SFI1: variants seen among roughly 807,000 people sequenced by gnomAD.
SFI1 encodes the protein protein SFI1 homolog.
Under a neutral mutation model 207.5 loss-of-function variants are expected in SFI1, and 195 were observed. The ratio of observed to expected loss-of-function variants is 0.94; its 90% CI spans 0.84 to 1.06. The LOEUF (loss-of-function observed/expected upper bound fraction) is 1.06. SFI1 is among the 50% of genes least tolerant of loss of function. The pLI, the probability that SFI1 is intolerant of heterozygous loss-of-function variation, is 0.00. For synonymous variants in SFI1, 630 were observed against 598.9 expected (o/e 1.05, Z -0.76); for missense variants, 1,634 against 1,588.0 (o/e 1.03, Z -0.49).
chr22:31,528,716 A>C lies in SFI1; in HGVS notation c.119A>C (p.Lys40Thr). 1 of 1,614,116 alleles carries C rather than the reference A, an allele frequency of 6.2e-7. No homozygotes were observed. The highest frequency in any genetic ancestry group is 8.5e-7 in the Non-Finnish European group (1 of 1,180,014). The part of the protein sequence containing the change: ...SRYFKDGAVK[K>T]PYSAKTLSNK... ...TATTTTAAGGATGGTGCAGTTAAGA[A>C]ACCTTATTCTGCAAAGACACTGTCC... Residue 40 changes from lysine to threonine, a missense_variant, in exon 3 of 33, where the codon AAA becomes ACA. Transcript: ENST00000400288.
intron 2 of SFI1, among the ~76,000 whole-genome samples, chr22:31,528,414 A>T (rs1737870445): frequency 6.6e-6 from 1 of 152,152 alleles, no homozygotes; most frequent in Non-Finnish European, 1.5e-5. Context: ...ACGGAGTAAG[A>T]ACCTGTCTCA....
chr22:31,544,210 A>G (rs1271710963), intron 4 of SFI1, among the ~76,000 whole-genome samples: 1 of 151,982 alleles, frequency 6.6e-6, no homozygotes, highest in Non-Finnish European at 1.5e-5. Context: ...AAAAATCAGC[A>G]CCATCTGTCA....
At chr22:31,549,508 G>A (rs936284301) in intron 5 of SFI1, among the ~76,000 whole-genome samples, 2 of 151,658 alleles carry the variant, frequency 1.3e-5, no homozygotes, top group Non-Finnish European at 2.9e-5. Context: ...GAGACTACAG[G>A]CACATGCTAC....
chr22:31,565,800 C>A (rs965799535), intron 8 of SFI1, among the ~76,000 whole-genome samples: 1 of 151,958 alleles, frequency 6.6e-6, no homozygotes, highest in Non-Finnish European at 1.5e-5. Flanking sequence ...TTTAGTGCAA[C>A]GGTATATTTT....
intron 20 of SFI1, chr22:31,605,927 G>A (rs1415457585): frequency 4.9e-6 from 1 of 205,298 alleles, no homozygotes; most frequent in Non-Finnish European, 9.9e-6. Context: ...CTTCAGACAG[G>A]GTGGAATAAG....
intron 4 of SFI1, among the ~76,000 whole-genome samples, chr22:31,538,182 C>T (rs1377230378): frequency 2.0e-5 from 3 of 151,236 alleles, no homozygotes; most frequent in Admixed American, 1.3e-4. Context: ...ATGTTGGTCT[C>T]GAACTCCTAA....
chr22:31,575,256 C>A lies in SFI1; in HGVS notation c.948C>A (p.Val316=). 1 of 1,611,406 alleles carries A rather than the reference C, an allele frequency of 6.2e-7. No homozygotes were observed. The highest frequency in any genetic ancestry group is 8.5e-7 in the Non-Finnish European group (1 of 1,178,846). ...QNEMAERFHH[V]TVLQIYFCDW... is the part of the protein sequence containing the mutation. ...AGATGGCTGAGCGATTCCATCATGT[C>A]ACTGTGCTCCAGATATACTTCTGTG... The change falls in exon 10 of 33, where the codon GTC becomes GTA. Residue 316 remains valine, a synonymous_variant. Coordinates refer to ENST00000400288, the MANE Select transcript of SFI1 (RefSeq NM_001007467.3).
At chr22:31,567,374 G>A (rs779017737) in intron 8 of SFI1, among the ~76,000 whole-genome samples, 3 of 152,186 alleles carry the variant, frequency 2.0e-5, no homozygotes, top group Non-Finnish European at 4.4e-5. Context: ...GAGCCAGAAC[G>A]CAGGGCCTGG....
Position 31,528,776 on chromosome 22 carries a change from G to T in SFI1, c.179G>T (p.Arg60Met), listed in dbSNP as rs1367194179. ...TCTTCTGCATCCTTTGGGATCCGGA[G>T]GGAGTTACCTAGTACCAGTCATCTA... The part of the protein sequence containing the change: ...KKSSASFGIR[R>M]ELPSTSHLVQ... The change falls in exon 3 of 33, where the codon AGG becomes ATG. Residue 60 changes from arginine to methionine, a missense_variant. By Grantham distance (91) the Arg-to-Met change is moderately conservative. Coordinates refer to ENST00000400288, the MANE Select transcript of SFI1 (RefSeq NM_001007467.3). 6.2e-7 allele frequency: 1 copy of T among 1,614,144 alleles called. No individual in the cohort carries two copies. The highest frequency in any genetic ancestry group is 8.5e-7 in the Non-Finnish European group (1 of 1,180,012).
At chr22:31,500,806 G>GTT (rs1035587309) in intron 1 of SFI1, among the ~76,000 whole-genome samples, 4 of 102,830 alleles carry the variant, frequency 3.9e-5, no homozygotes, top group African/African-American at 1.5e-4. Context: ...TTTGTTTTTT[G>GTT]TTTTTTTTTT....
chr22:31,561,140 G>GT, intron 7 of SFI1, 150 bp from the exon 8 acceptor site: 4 of 640,368 alleles, frequency 6.2e-6, no homozygotes, highest in Non-Finnish European at 1.1e-5. Flanking sequence ...CAATTGTTTT[G>GT]TTTTATTTTT....
At chr22:31,496,837 C>T (rs1187648567) in intron 1 of SFI1, among the ~76,000 whole-genome samples, 200 bp downstream of exon 1, 2 of 152,232 alleles carry the variant, frequency 1.3e-5, no homozygotes, top group African/African-American at 4.8e-5. Context: ...CAAGAGGGCG[C>T]AGGACGGGGC....
At chr22:31,606,489 G>T in intron 21 of SFI1, 59 bp downstream of exon 21, 1 of 1,417,936 alleles carries the variant, frequency 7.1e-7, no homozygotes, top group South Asian at 1.2e-5. Context: ...TTCTGGTGAG[G>T]GCGTGGGATG....
At chr22:31,524,403 C>T (rs1457734498) in intron 2 of SFI1, among the ~76,000 whole-genome samples, 25 of 151,748 alleles carry the variant, frequency 1.6e-4, no homozygotes, top group Admixed American at 1.6e-3. Context: ...TGAGAAATGT[C>T]TATTCAGAGA....
intron 2 of SFI1, among the ~76,000 whole-genome samples, chr22:31,519,968 G>C (rs2057016085): frequency 6.6e-6 from 1 of 151,712 alleles, no homozygotes; most frequent in Non-Finnish European, 1.5e-5. Context: ...GGTTTCACCT[G>C]TTGCCCAGGG....
intron 2 of SFI1, among the ~76,000 whole-genome samples, chr22:31,510,887 T>TA (rs927855472): frequency 1.2e-4 from 18 of 152,320 alleles, no homozygotes; most frequent in African/African-American, 4.1e-4. Context: ...CTCTCTTTCA[T>TA]ACCTAATTTT....
At chr22:31,614,739 C>G (rs1237239184) in intron 27 of SFI1, 50 bp from the exon 28 acceptor site, 3 of 1,596,258 alleles carry the variant, frequency 1.9e-6, no homozygotes, top group East Asian at 2.2e-5. Flanking sequence ...CTCAGACCCC[C>G]CTGCAGCCCC....
rs1740320620 is a variant in SFI1 at position 31,614,873 on chromosome 22, C to CA, written c.3068+14dup. On this transcript the variant is annotated intron_variant, in intron 28 of 32. Coordinates refer to ENST00000400288, the MANE Select transcript of SFI1 (RefSeq NM_001007467.3). ...CGCAGAGCCAGAGGTCCCTGGGGTG[C>CA]AGCACCGTGGGCAGGCAGGGGGAGA... 4 of 1,612,972 alleles carry CA rather than the reference C, an allele frequency of 2.5e-6. No homozygotes were observed. The highest frequency in any genetic ancestry group is 1.3e-5 in the African/African-American group (1 of 74,926).
intron 1 of SFI1, among the ~76,000 whole-genome samples, chr22:31,504,260 T>C (rs1033245626): frequency 2.6e-5 from 4 of 152,214 alleles, no homozygotes; most frequent in African/African-American, 7.2e-5. Context: ...AAATCACTAT[T>C]TGAATACTCC....
Sources: allele counts gnomAD v4.1 joint callset (sites outside exome capture counted in the v4.1 genomes callset), GRCh38; gene constraint gnomAD v4.1.1; transcripts MANE v1.5; gene names NCBI Gene and HGNC (gene_info 2026-07-23, HGNC 2026-07-21).